The following NPY2R variants were observed in gnomAD, a reference collection of about 807,000 sequenced individuals.
NPY2R encodes the protein neuropeptide Y receptor type 2.
Under a neutral mutation model 22.3 loss-of-function variants are expected in NPY2R, and 17 were observed. The ratio of observed to expected loss-of-function variants is 0.76; its 90% CI spans 0.52 to 1.14. The LOEUF (loss-of-function observed/expected upper bound fraction) is 1.14. NPY2R is among the 50% of genes most tolerant of loss of function. The pLI, the probability that NPY2R is intolerant of heterozygous loss-of-function variation, is 0.00. For missense variants in NPY2R, 424 were observed against 467.9 expected (o/e 0.91, Z 0.87); for synonymous variants, 209 against 183.4 (o/e 1.14, Z -1.13).
At chr4:155,188,535 C>T in the NPY2R span, among the ~76,000 whole-genome samples, 4 of 152,148 alleles carry the variant, frequency 2.6e-5, no homozygotes, top group Admixed American at 2.6e-4. Context: ...CAGTCAAAAG[C>T]GGCAAAGGTG....
chr4:155,175,557 G>A, the NPY2R span, among the ~76,000 whole-genome samples: 1 of 152,030 alleles, frequency 6.6e-6, no homozygotes, highest in Non-Finnish European at 1.5e-5. Flanking sequence ...GTAATTAGCA[G>A]ATTTTAATGT....
chr4:155,177,389 G>T, the NPY2R span, among the ~76,000 whole-genome samples: 11 of 152,272 alleles, frequency 7.2e-5, no homozygotes, highest in African/African-American at 2.6e-4. Flanking sequence ...AATGGGTACC[G>T]AGTAAGTCCC....
chr4:155,196,083 A>G, the NPY2R span, among the ~76,000 whole-genome samples: 2 of 152,054 alleles, frequency 1.3e-5, no homozygotes, highest in African/African-American at 2.4e-5. Flanking sequence ...GCATGATAAT[A>G]TGGTCTTCAG....
chr4:155,174,195 C>T, the NPY2R span: 1 of 151,794 alleles, frequency 6.6e-6, no homozygotes, highest in Non-Finnish European at 1.5e-5. Context: ...TAGTGAATTT[C>T]TGACTGCAAT....
At chr4:155,212,415 T>A (rs745841249) in intron 1 of NPY2R, among the ~76,000 whole-genome samples, 29 of 152,098 alleles carry the variant, frequency 1.9e-4, no homozygotes, top group Non-Finnish European at 2.2e-4. Flanking sequence ...GAAAAAAAAA[T>A]TTTAATATCA....
chr4:155,195,474 C>A, the NPY2R span, among the ~76,000 whole-genome samples: 1 of 152,012 alleles, frequency 6.6e-6, no homozygotes, highest in East Asian at 1.9e-4. Context: ...TGAAGGGAAC[C>A]AAATCCTAGC....
At chr4:155,207,418 T>C (rs924674715), upstream of NPY2R, 5 of 152,210 alleles carry the variant, frequency 3.3e-5, no homozygotes, top group African/African-American at 1.2e-4. Flanking sequence ...GAAATGACAA[T>C]GCATAGAGGA....
intron 1 of NPY2R, among the ~76,000 whole-genome samples, chr4:155,212,868 A>G (rs1371985972): frequency 6.6e-6 from 1 of 152,188 alleles, no homozygotes; most frequent in Admixed American, 6.5e-5. Context: ...CAAAAAAGCA[A>G]CTGTTCCAAC....
At chr4:155,179,768 T>G in the NPY2R span, among the ~76,000 whole-genome samples, 1 of 152,196 alleles carries the variant, frequency 6.6e-6, no homozygotes, top group South Asian at 2.1e-4. Flanking sequence ...AAGTTTCCTC[T>G]TTTTTGATAT....
At chr4:155,174,480 A>ATTTTTT in the NPY2R span, among the ~76,000 whole-genome samples, 8 of 88,730 alleles carry the variant, frequency 9.0e-5, no homozygotes, top group African/African-American at 5.0e-4. Context: ...ATATATATAT[A>ATTTTTT]TATATTTTTT....
At chr4:155,204,887 C>T (rs1729251073), upstream of NPY2R, among the ~76,000 whole-genome samples, 1 of 151,150 alleles carries the variant, frequency 6.6e-6, no homozygotes, top group Non-Finnish European at 1.5e-5. Flanking sequence ...GGGAGAGCAG[C>T]TATTGGTTTC....
At chr4:155,187,016 T>G in the NPY2R span, among the ~76,000 whole-genome samples, 1 of 152,192 alleles carries the variant, frequency 6.6e-6, no homozygotes, top group African/African-American at 2.4e-5. Context: ...CTTATTATTC[T>G]CTATGAAGTA....
At chr4:155,180,025 T>C in the NPY2R span, among the ~76,000 whole-genome samples, 2 of 137,884 alleles carry the variant, frequency 1.5e-5, no homozygotes, top group African/African-American at 2.8e-5. Flanking sequence ...TTTTTTTTTT[T>C]CATTGCTTAC....
chr4:155,201,476 C>A, the NPY2R span, among the ~76,000 whole-genome samples: 1 of 152,080 alleles, frequency 6.6e-6, no homozygotes, highest in Admixed American at 6.6e-5. Context: ...CAGTTGATGC[C>A]ACATGGATCA....
At chr4:155,197,384 C>T in the NPY2R span, among the ~76,000 whole-genome samples, 3,340 of 151,832 alleles carry the variant, frequency 0.022, 114 homozygotes, top group African/African-American at 0.078. Context: ...TATTGTGTGA[C>T]TTCTCTACTT....
the NPY2R span, among the ~76,000 whole-genome samples, chr4:155,192,716 G>A: frequency 6.6e-6 from 1 of 151,844 alleles, no homozygotes; most frequent in Non-Finnish European, 1.5e-5. Context: ...TTGAAAATAT[G>A]CAAGACTTCA....
chr4:155,179,378 G>A, the NPY2R span, among the ~76,000 whole-genome samples: 2 of 152,134 alleles, frequency 1.3e-5, no homozygotes, highest in Non-Finnish European at 2.9e-5. Flanking sequence ...TTTAAGTGGT[G>A]TTGAAATTTT....
chr4:155,188,059 G>A, the NPY2R span, among the ~76,000 whole-genome samples: 1 of 152,046 alleles, frequency 6.6e-6, no homozygotes, highest in Admixed American at 6.6e-5. Flanking sequence ...GAAAAGACAT[G>A]CCATCCACTT....
chr4:155,200,107 A>G, the NPY2R span, among the ~76,000 whole-genome samples: 1,693 of 152,298 alleles, frequency 0.011, 36 homozygotes, highest in African/African-American at 0.039. Flanking sequence ...CCCATTTGAC[A>G]AAGGTCTAAT....
Sources: gnomAD v4.1 joint callset for allele counts (sites outside exome capture counted in the v4.1 genomes callset) on GRCh38, gnomAD v4.1.1 for gene constraint, MANE v1.5 for transcripts, NCBI Gene and HGNC (gene_info 2026-07-23, HGNC 2026-07-21) for gene names.